Variants in CNTNAP3B observed in about 807,000 individuals in gnomAD.
CNTNAP3B encodes the protein contactin associated protein family member 3B.
CNTNAP3B carries 25 observed loss-of-function variants against 108.9 expected under a neutral mutation model. That is an observed-to-expected ratio of 0.23 (90% CI 0.17 to 0.32). The LOEUF is 0.32. Among genes scored for constraint, CNTNAP3B ranks in the 10% least tolerant of loss-of-function variants. CNTNAP3B has a pLI of 1.00. For synonymous variants in CNTNAP3B, 103 were observed against 473.4 expected, an observed-to-expected ratio of 0.22 and a Z score of 10.16; for missense variants, 252 against 1,210.4, an observed-to-expected ratio of 0.21 and a Z score of 11.75.
chr9:41,956,562 TA>T (rs1303637139), intron 12 of CNTNAP3B, among the ~76,000 whole-genome samples: 3 of 151,596 alleles, frequency 2.0e-5, no homozygotes, highest in African/African-American at 7.3e-5. Context: ...TACCCATTCC[TA>T]TATGTCCCAG....
In CNTNAP3B at chr9:42,112,868, G is replaced by GTTTT. The variant is rs61267342; in HGVS notation, c.86-8133_86-8130dup. On this transcript the variant is annotated intron_variant, in intron 1 of 23. Coordinates refer to ENST00000377561, the MANE Select transcript of CNTNAP3B (RefSeq NM_001201380.3). ...GAAGACCTAGAGGAAAGTTTACAGA[G>GTTTT]TTTTTTTTTTTTTTTTTTTGAGACG... Among the ~76,000 whole-genome samples, 333 of 95,490 alleles carry GTTTT rather than the reference G, an allele frequency of 3.5e-3. 30 individuals are homozygous for GTTTT. Among genetic ancestry groups the GTTTT allele is most frequent in the African/African-American group, 0.013 (291 of 22,762 alleles). 62.6% of individuals were successfully genotyped at this position (95,490 alleles called of 152,430 possible).
intron 12 of CNTNAP3B, among the ~76,000 whole-genome samples, chr9:41,957,717 T>C (rs1824905096): frequency 6.6e-6 from 1 of 152,254 alleles, no homozygotes; most frequent in Non-Finnish European, 1.5e-5. Context: ...ATAATTCCAA[T>C]GTCCCTGCCA....
At chr9:42,032,085 C>G (rs1826532497) in intron 3 of CNTNAP3B, among the ~76,000 whole-genome samples, 1 of 121,798 alleles carries the variant, frequency 8.2e-6, no homozygotes, top group Non-Finnish European at 1.7e-5. Context: ...AATGCTCCGC[C>G]TTTATTAGTA....
chr9:42,070,467 C>T (rs1394832021), intron 3 of CNTNAP3B, among the ~76,000 whole-genome samples: 27 of 146,470 alleles, frequency 1.8e-4, no homozygotes, highest in South Asian at 4.3e-4. Context: ...GCAGGGCTGA[C>T]GTGTCCTGCA....
At position 42,124,460 on chromosome 9, in the gene CNTNAP3B, C is replaced by T. The variant is rs535958313; in HGVS notation, c.85+4550G>A. ...GATATATGAATTCCTTGACAAAATA[C>T]ATTTAAAACAAACAATTCCATGCCT... is the stretch of plus-strand genomic sequence containing the variant. On this transcript the variant is annotated intron_variant, in intron 1 of 23. Transcript: ENST00000377561. 3.2e-3 allele frequency among the ~76,000 whole-genome samples: 445 copies of T among 137,406 alleles called. 86 individuals carry two copies. Among genetic ancestry groups the T allele is most frequent in the African/African-American group, 0.012 (421 of 34,410 alleles). 90.1% of individuals were successfully genotyped at this position (137,406 alleles called of 152,430 possible). A position where few individuals can be genotyped will look rare whatever the true frequency, so the allele number is the denominator to read the frequency against.
In CNTNAP3B at chr9:41,951,231, T is replaced by C. The variant is rs1257154853; in HGVS notation, c.2080+1952A>G. Reference sequence around the variant, plus strand: ...CTCACAAGTGTATGTAAATCTACAATTATCTCAAAATTTTTTTTAAATTAT... The same window carrying C: ...CTCACAAGTGTATGTAAATCTACAACTATCTCAAAATTTTTTTTAAATTAT... On this transcript the variant is annotated intron_variant, in intron 13 of 23. Transcript: ENST00000377561. Among the ~76,000 whole-genome samples the C allele has an allele frequency of 5.4e-5, 8 of 146,808 alleles. No homozygotes were observed. The East Asian group carries it at 1.4e-3, about 25-fold the overall frequency.
rs1824180904 is a variant in CNTNAP3B at position 41,937,102 on chromosome 9, T to TAC, written c.2237+1141_2237+1142insGT. On this transcript the variant is annotated intron_variant, in intron 14 of 23. Coordinates refer to ENST00000377561, the MANE Select transcript of CNTNAP3B (RefSeq NM_001201380.3). The stretch of plus-strand genomic sequence containing the variant: ...GACACCTGGAATGACCATTACATTT[T>TAC]TTATTTATTAATTTATTATTATTAT... Among the ~76,000 whole-genome samples, 399 of 127,842 alleles carry TAC rather than the reference T, an allele frequency of 3.1e-3. 8 individuals carry two copies. The highest frequency in any genetic ancestry group is 0.012 in the African/African-American group (381 of 31,240). The allele number at this position is 127,842 out of a possible 152,430, so 83.9% of individuals were successfully genotyped here. A position where few individuals can be genotyped will look rare whatever the true frequency, so the allele number is the denominator to read the frequency against.
At chr9:41,937,265 T>C (rs1255076777) in intron 14 of CNTNAP3B, among the ~76,000 whole-genome samples, 1 of 151,496 alleles carries the variant, frequency 6.6e-6, no homozygotes, top group African/African-American at 2.4e-5. Context: ...CAGCTGGGAC[T>C]ACAGGCACAC....
chr9:41,940,768 T>C (rs1382394362), intron 13 of CNTNAP3B, among the ~76,000 whole-genome samples: 3 of 152,046 alleles, frequency 2.0e-5, no homozygotes, highest in African/African-American at 7.3e-5. Flanking sequence ...TGAGCCGAGA[T>C]TGTGCCACTG....
intron 13 of CNTNAP3B, among the ~76,000 whole-genome samples, chr9:41,938,737 G>A (rs1277751837): frequency 6.6e-6 from 1 of 152,212 alleles, no homozygotes; most frequent in African/African-American, 2.4e-5. Context: ...GCACACTAAA[G>A]ATAAAATCTA....
intron 17 of CNTNAP3B, among the ~76,000 whole-genome samples, chr9:41,921,073 G>T (rs1440727886): frequency 3.3e-5 from 5 of 152,288 alleles, no homozygotes; most frequent in African/African-American, 1.2e-4. Flanking sequence ...GCAGTTTTTA[G>T]CCTCCTCCCA....
chr9:41,926,637 G>A (rs1446532861), intron 15 of CNTNAP3B: 2 of 152,324 alleles, frequency 1.3e-5, no homozygotes, highest in Non-Finnish European at 2.9e-5. Context: ...TAGTTTTTTT[G>A]TAAGAGACAA....
Position 42,049,480 on chromosome 9 carries a change from T to C in CNTNAP3B, c.390+27389A>G, listed in dbSNP as rs1444280643. Among the ~76,000 whole-genome samples the C allele has an allele frequency of 2.2e-5, 3 of 133,836 alleles. 1 individual carries two copies. Among genetic ancestry groups the C allele is most frequent in the African/African-American group, 9.1e-5 (3 of 33,008 alleles). 87.8% of individuals were successfully genotyped at this position (133,836 alleles called of 152,430 possible). Reference sequence around the variant, plus strand: ...CCTGCAGATGCTAATTCTAGGTCAGTCTTCTCAGTTGCCTTCACAGGTTCT... The same window carrying C: ...CCTGCAGATGCTAATTCTAGGTCAGCCTTCTCAGTTGCCTTCACAGGTTCT... On this transcript the variant is annotated intron_variant, in intron 3 of 23. Transcript: ENST00000377561.
At chr9:41,977,900 G>A (rs1483597487) in intron 9 of CNTNAP3B, among the ~76,000 whole-genome samples, 6 of 142,482 alleles carry the variant, frequency 4.2e-5, no homozygotes, top group East Asian at 2.1e-4. Context: ...CAAAGTGCTG[G>A]GATTACAGGC....
At position 41,950,887 on chromosome 9, in the gene CNTNAP3B, A is replaced by G. The variant is rs1824657146; in HGVS notation, c.2080+2296T>C. 2.0e-5 allele frequency among the ~76,000 whole-genome samples: 3 copies of G among 149,352 alleles called. No individual in the cohort carries two copies. The South Asian group carries it at 6.4e-4, about 32-fold the overall frequency. ...GCCATTCTCCTGCGTCAGCCTCCCA[A>G]GTAGACTACAGGCACCCGCCACCAC... On this transcript the variant is annotated intron_variant, in intron 13 of 23. Transcript: ENST00000377561.
At position 42,056,327 on chromosome 9, in the gene CNTNAP3B, TTA is replaced by T. The variant is rs1475335525; in HGVS notation, c.390+20540_390+20541del. Among the ~76,000 whole-genome samples the T allele has an allele frequency of 0.016, 358 of 23,032 alleles. 8 individuals carry two copies. In the East Asian group the frequency reaches 0.25, roughly 16 times the overall value. 15.1% of individuals were successfully genotyped at this position (23,032 alleles called of 152,430 possible). ...AAGGTTGAATATTATCTCATGAATTTTATTATTATTATTATTATTATTATTAT... is the reference window on the plus strand; with the variant it reads ...AAGGTTGAATATTATCTCATGAATTTTTATTATTATTATTATTATTATTAT... On this transcript the variant is annotated intron_variant, in intron 3 of 23. Transcript: ENST00000377561.
chr9:42,120,219 G>GA (rs1828428859), intron 1 of CNTNAP3B, among the ~76,000 whole-genome samples: 1 of 145,054 alleles, frequency 6.9e-6, no homozygotes, highest in African/African-American at 2.6e-5. Flanking sequence ...AAAAACACAC[G>GA]AAAAAATGCT....
chr9:42,042,170 A>T (rs1470436516), intron 3 of CNTNAP3B, among the ~76,000 whole-genome samples: 1 of 134,524 alleles, frequency 7.4e-6, no homozygotes, highest in African/African-American at 2.9e-5. Flanking sequence ...AACATGGCAC[A>T]TGTATACATA....
At chr9:41,935,290 G>A (rs1462589443) in intron 14 of CNTNAP3B, among the ~76,000 whole-genome samples, 6 of 151,554 alleles carry the variant, frequency 4.0e-5, no homozygotes, top group African/African-American at 1.5e-4. Flanking sequence ...ACAACTTATG[G>A]AAAAATGGCG....
Sources: allele counts gnomAD v4.1 joint callset (sites outside exome capture counted in the v4.1 genomes callset), GRCh38; gene constraint gnomAD v4.1.1; transcripts MANE v1.5; gene names NCBI Gene and HGNC (gene_info 2026-07-23, HGNC 2026-07-21).